Variants in CYP4X1 observed in about 807,000 individuals in gnomAD.
The protein encoded by CYP4X1 is cytochrome P450 4X1.
Under a neutral mutation model 57.9 loss-of-function variants are expected in CYP4X1, and 44 were observed. That is an observed-to-expected ratio of 0.76 (90% CI 0.60 to 0.98). The LOEUF is 0.98. CYP4X1 is among the 50% of genes least tolerant of loss of function. CYP4X1 has a pLI of 0.00. For missense variants in CYP4X1, 532 were observed against 623.9 expected, an observed-to-expected ratio of 0.85 and a Z score of 1.57; for synonymous variants, 227 against 228.6, an observed-to-expected ratio of 0.99 and a Z score of 0.06.
the CYP4X1 span, among the ~76,000 whole-genome samples, chr1:46,971,284 T>C: frequency 6.6e-6 from 1 of 152,226 alleles, no homozygotes; most frequent in South Asian, 2.1e-4. Context: ...CAGTATTCCA[T>C]GGTGTATGTG....
chr1:47,048,542 C>T (rs1021425699), intron 9 of CYP4X1, 23 bp from the exon 10 acceptor site: 5 of 1,613,762 alleles, frequency 3.1e-6, no homozygotes, highest in African/African-American at 1.3e-5. Flanking sequence ...CCTGCAGTCT[C>T]TTTTATTTCC....
At chr1:47,041,532 A>G (rs1177900667) in intron 8 of CYP4X1, among the ~76,000 whole-genome samples, 2 of 152,186 alleles carry the variant, frequency 1.3e-5, no homozygotes, top group East Asian at 3.8e-4. Flanking sequence ...CCTGATGATT[A>G]GTGATGTTGA....
the CYP4X1 span, among the ~76,000 whole-genome samples, chr1:46,986,514 A>T: frequency 6.6e-6 from 1 of 152,330 alleles, no homozygotes; most frequent in Non-Finnish European, 1.5e-5. Flanking sequence ...CTAACATTAA[A>T]ATTCAGAAAA....
At chr1:47,021,322 C>T (rs11806204), upstream of CYP4X1, among the ~76,000 whole-genome samples, 93 of 152,216 alleles carry the variant, frequency 6.1e-4, 1 homozygote, top group African/African-American at 2.2e-3. Flanking sequence ...GAACTTTATT[C>T]TCCACCAGGG....
downstream of CYP4X1, among the ~76,000 whole-genome samples, chr1:47,054,864 A>G (rs1644383658): frequency 6.6e-6 from 1 of 152,238 alleles, no homozygotes; most frequent in South Asian, 2.1e-4. Context: ...GTCATCTGCA[A>G]ACAGGGACAA....
chr1:47,045,598 C>T (rs1259997790), intron 8 of CYP4X1, among the ~76,000 whole-genome samples: 2 of 152,222 alleles, frequency 1.3e-5, no homozygotes, highest in South Asian at 4.1e-4. Context: ...TCGACTTATT[C>T]TTACTGACTA....
the CYP4X1 span, among the ~76,000 whole-genome samples, chr1:46,976,283 T>G: frequency 6.6e-6 from 1 of 152,152 alleles, no homozygotes; most frequent in Non-Finnish European, 1.5e-5. Flanking sequence ...AAAAGGCATA[T>G]CAGGAGATTA....
At chr1:47,049,636 G>T in intron 11 of CYP4X1, 132 bp downstream of exon 11, 1 of 823,044 alleles carries the variant, frequency 1.2e-6, no homozygotes, top group Non-Finnish European at 2.0e-6. Flanking sequence ...AGCCCCAAAG[G>T]ATCAGTTAGT....
Position 47,049,496 on chromosome 1 carries a change from T to C in CYP4X1, c.1347T>C (p.Ala449=), listed in dbSNP as rs761592118. Residue 449 remains alanine (A), a synonymous_variant, in exon 11 of 12, where the codon GCT becomes GCC. Coordinates refer to ENST00000371901, the MANE Select transcript of CYP4X1 (RefSeq NM_178033.2). The stretch of plus-strand genomic sequence containing the variant: ...CCTATGCCTACTTACCATTCTCAGC[T>C]GGATCAAGGTGAGAACAATTTGAAG... ...RHPYAYLPFS[A]GSRNCIGQEF... is the part of the protein sequence containing the mutation. 6.2e-7 allele frequency: 1 copy of C among 1,614,016 alleles called. No homozygotes were observed. The highest frequency in any genetic ancestry group is 8.5e-7 in the Non-Finnish European group (1 of 1,179,910).
chr1:47,048,440 T>C (rs929430730), intron 9 of CYP4X1, 125 bp from the exon 10 acceptor site: 2 of 1,014,222 alleles, frequency 2.0e-6, no homozygotes, highest in African/African-American at 1.6e-5. Context: ...TGTCATCAGC[T>C]ACAGCAGGCA....
chr1:46,981,676 T>C, the CYP4X1 span, among the ~76,000 whole-genome samples: 2 of 152,198 alleles, frequency 1.3e-5, no homozygotes, highest in South Asian at 2.1e-4. Context: ...TAAAGACACA[T>C]GCACATGTAT....
At chr1:46,985,518 A>G in the CYP4X1 span, among the ~76,000 whole-genome samples, 1 of 152,134 alleles carries the variant, frequency 6.6e-6, no homozygotes, top group Non-Finnish European at 1.5e-5. Flanking sequence ...AGCTCTGCTA[A>G]GGGTTAGACT....
chr1:46,992,857 C>A, the CYP4X1 span, among the ~76,000 whole-genome samples: 1 of 152,100 alleles, frequency 6.6e-6, no homozygotes, highest in Non-Finnish European at 1.5e-5. Flanking sequence ...TTTATATTCA[C>A]CAGCAATTTG....
chr1:47,023,328 C>G (rs950698436), upstream of CYP4X1, among the ~76,000 whole-genome samples: 1 of 152,126 alleles, frequency 6.6e-6, no homozygotes, highest in Non-Finnish European at 1.5e-5. Flanking sequence ...AAACCATTTA[C>G]CGGAACACCA....
chr1:47,043,789 A>G (rs1241984765), intron 8 of CYP4X1, among the ~76,000 whole-genome samples: 1 of 152,268 alleles, frequency 6.6e-6, no homozygotes, highest in South Asian at 2.1e-4. Flanking sequence ...TTGGGTACAT[A>G]TTTATTTACA....
the CYP4X1 span, among the ~76,000 whole-genome samples, chr1:46,978,230 C>A: frequency 6.6e-6 from 1 of 151,990 alleles, no homozygotes; most frequent in Non-Finnish European, 1.5e-5. Flanking sequence ...TGAGGAGACC[C>A]ATCTCATGTG....
At chr1:46,968,828 A>C in the CYP4X1 span, among the ~76,000 whole-genome samples, 1 of 152,180 alleles carries the variant, frequency 6.6e-6, no homozygotes, top group African/African-American at 2.4e-5. Flanking sequence ...TTGTTTTCCC[A>C]TCATGGTGTA....
At chr1:46,964,200 T>C in the CYP4X1 span, among the ~76,000 whole-genome samples, 1 of 152,230 alleles carries the variant, frequency 6.6e-6, no homozygotes, top group East Asian at 1.9e-4. Context: ...CTTCCTCCTT[T>C]AGCTCAGATA....
chr1:47,036,879 G>A (rs1436030797), intron 6 of CYP4X1, among the ~76,000 whole-genome samples: 1 of 152,160 alleles, frequency 6.6e-6, no homozygotes, highest in African/African-American at 2.4e-5. Flanking sequence ...GATGTTAAAT[G>A]TAAAGTATAG....
Sources: gnomAD v4.1 joint callset for allele counts (sites outside exome capture counted in the v4.1 genomes callset) on GRCh38, gnomAD v4.1.1 for gene constraint, MANE v1.5 for transcripts, NCBI Gene and HGNC (gene_info 2026-07-23, HGNC 2026-07-21) for gene names.